The following ASIC2 variants were observed in gnomAD, a reference collection of about 807,000 sequenced individuals.
ASIC2 encodes the protein acid-sensing ion channel 2.
ASIC2 carries 25 observed loss-of-function variants against 57.3 expected under a neutral mutation model. The ratio of observed to expected loss-of-function variants is 0.44; its 90% CI spans 0.32 to 0.61. The LOEUF is 0.61. ASIC2 is among the 20% of genes least tolerant of loss of function. ASIC2 has a pLI of 0.06. For synonymous variants in ASIC2, 319 were observed against 307.5 expected (o/e 1.04, Z -0.39); for missense variants, 641 against 738.1 (o/e 0.87, Z 1.52).
At chr17:33,933,068 C>G (rs1915980224) in intron 1 of ASIC2, among the ~76,000 whole-genome samples, 1 of 152,144 alleles carries the variant, frequency 6.6e-6, no homozygotes, top group Non-Finnish European at 1.5e-5. Context: ...TGGTCCATGT[C>G]CTCCCACCCT....
chr17:33,461,886 T>G (rs956097628), intron 1 of ASIC2, among the ~76,000 whole-genome samples: 2 of 152,200 alleles, frequency 1.3e-5, no homozygotes, highest in Non-Finnish European at 2.9e-5. Flanking sequence ...TTCCATTCAC[T>G]TTGCAACTGA....
intron 1 of ASIC2, among the ~76,000 whole-genome samples, chr17:33,120,361 A>T (rs1258466826): frequency 6.6e-6 from 1 of 152,236 alleles, no homozygotes; most frequent in Admixed American, 6.5e-5. Flanking sequence ...AATGCTATGC[A>T]GGAAAAAGAG....
chr17:33,119,243 A>C (rs1014435374), intron 1 of ASIC2, among the ~76,000 whole-genome samples: 1 of 152,308 alleles, frequency 6.6e-6, no homozygotes, highest in African/African-American at 2.4e-5. Context: ...TTACACGTGA[A>C]GGAAATGAAA....
At chr17:33,406,879 A>T (rs2141962178) in intron 1 of ASIC2, among the ~76,000 whole-genome samples, 1 of 152,340 alleles carries the variant, frequency 6.6e-6, no homozygotes, top group South Asian at 2.1e-4. Context: ...GATGTTGAAA[A>T]TGATGAAAGT....
chr17:33,955,545 AACTC>A (rs1904707883), intron 1 of ASIC2: 1 of 151,768 alleles, frequency 6.6e-6, no homozygotes, highest in Non-Finnish European at 1.5e-5. Flanking sequence ...GCAGCAGCTG[AACTC>A]AGTATGTTTT....
At chr17:33,025,593 C>T (rs2091855497) in intron 5 of ASIC2, among the ~76,000 whole-genome samples, 1 of 152,114 alleles carries the variant, frequency 6.6e-6, no homozygotes. Context: ...TCTATCCTCT[C>T]TCCACCTCTG....
chr17:34,021,106 G>A (rs1281943774), intron 1 of ASIC2, among the ~76,000 whole-genome samples: 1 of 152,098 alleles, frequency 6.6e-6, no homozygotes, highest in African/African-American at 2.4e-5. Flanking sequence ...CTGGGAGGGT[G>A]TCAAGGGATA....
At chr17:33,457,652 G>T (rs1478027006) in intron 1 of ASIC2, among the ~76,000 whole-genome samples, 1 of 152,322 alleles carries the variant, frequency 6.6e-6, no homozygotes, top group East Asian at 1.9e-4. Context: ...TGCTGATGAT[G>T]ATGATGGCAA....
In ASIC2 at chr17:33,819,875, G is replaced by A. The variant is rs75013030; in HGVS notation, c.555+336103C>T. Among the ~76,000 whole-genome samples the A allele has an allele frequency of 8.0e-3, 1,216 of 152,302 alleles. 20 individuals carry two copies. The highest frequency in any genetic ancestry group is 0.027 in the African/African-American group (1,140 of 41,546). ...TTCTTAATTCGGTTCTGCAGAAGCT[G>A]AAAATCTAATCTGGAAAGAGAAATT... On this transcript the variant is annotated intron_variant, in intron 1 of 9. Transcript: ENST00000359872.
intron 1 of ASIC2, among the ~76,000 whole-genome samples, chr17:33,909,094 C>T (rs1414239074): frequency 6.6e-6 from 1 of 152,176 alleles, no homozygotes; most frequent in Non-Finnish European, 1.5e-5. Flanking sequence ...TGCCTGTGGT[C>T]TTGTATCATC....
In ASIC2 at chr17:33,563,916, C is replaced by T. The variant is rs16968585; in HGVS notation, c.556-451849G>A. On this transcript the variant is annotated intron_variant, in intron 1 of 9. Transcript: ENST00000359872. ...CCTTTCACTATTGCCATCTGGAGAG[C>T]CAAGTCTGCATTTGACTACAGACAT... Among the ~76,000 whole-genome samples the T allele has an allele frequency of 5.4e-3, 818 of 152,214 alleles. 5 individuals carry two copies. Among genetic ancestry groups the T allele is most frequent in the African/African-American group, 0.019 (782 of 41,524 alleles).
chr17:33,614,176 G>A (rs1237594767), intron 1 of ASIC2, among the ~76,000 whole-genome samples: 2 of 152,140 alleles, frequency 1.3e-5, no homozygotes, highest in Non-Finnish European at 2.9e-5. Context: ...AGTTCTTTAA[G>A]GATGGGTGTC....
intron 1 of ASIC2, among the ~76,000 whole-genome samples, chr17:33,298,632 CA>C (rs1344989865): frequency 6.6e-6 from 1 of 152,176 alleles, no homozygotes; most frequent in African/African-American, 2.4e-5. Context: ...ATGGCTGGGT[CA>C]AATGGTATTT....
intron 1 of ASIC2, among the ~76,000 whole-genome samples, chr17:33,483,000 A>G (rs1913456686): frequency 6.6e-6 from 1 of 152,258 alleles, no homozygotes; most frequent in African/African-American, 2.4e-5. Flanking sequence ...TAGGAAGGAC[A>G]GAGATGAATG....
intron 1 of ASIC2, among the ~76,000 whole-genome samples, chr17:33,667,422 A>G (rs1290756269): frequency 1.3e-5 from 2 of 152,156 alleles, no homozygotes. Context: ...AACCTTATAC[A>G]TATGTTTCTC....
intron 1 of ASIC2, among the ~76,000 whole-genome samples, chr17:33,736,300 C>T (rs192877700): frequency 3.8e-4 from 57 of 151,650 alleles, no homozygotes; most frequent in Admixed American, 1.2e-3. Context: ...GCACAGTGCC[C>T]GAGGCAGCGA....
At chr17:33,814,330 A>T (rs1282125145) in intron 1 of ASIC2, among the ~76,000 whole-genome samples, 1 of 152,208 alleles carries the variant, frequency 6.6e-6, no homozygotes, top group Non-Finnish European at 1.5e-5. Context: ...ATGCAAAAAA[A>T]GTATCCGTGT....
intron 1 of ASIC2, among the ~76,000 whole-genome samples, chr17:33,607,120 G>A (rs1224702790): frequency 1.3e-5 from 2 of 152,078 alleles, no homozygotes; most frequent in Non-Finnish European, 2.9e-5. Context: ...ATCGGGAGGA[G>A]CATTAATTAG....
At chr17:33,032,601 A>G in intron 3 of ASIC2, among the ~76,000 whole-genome samples, 1 of 151,966 alleles carries the variant, frequency 6.6e-6, no homozygotes, top group African/African-American at 2.4e-5. Flanking sequence ...GGGATGCACC[A>G]CCATGCCCAG....
Sources: allele counts gnomAD v4.1 joint callset (sites outside exome capture counted in the v4.1 genomes callset), GRCh38; gene constraint gnomAD v4.1.1; transcripts MANE v1.5; gene names NCBI Gene and HGNC (gene_info 2026-07-23, HGNC 2026-07-21).